The following CDH9 variants were observed in gnomAD, a reference collection of about 807,000 sequenced individuals.
The protein encoded by CDH9 is cadherin-9.
In CDH9, 28 loss-of-function variants were observed where a neutral mutation model predicts 70.9. That is an observed-to-expected ratio of 0.40 (90% CI 0.29 to 0.54). CDH9 has a LOEUF of 0.54. CDH9 is among the 20% of genes least tolerant of loss of function. CDH9 has a pLI of 0.59. For missense variants in CDH9, 874 were observed against 984.4 expected (o/e 0.89, Z 1.50); for synonymous variants, 409 against 343.1 (o/e 1.19, Z -2.12).
Position 27,031,831 on chromosome 5 carries a change from G to A in CDH9, c.-50+6632C>T, listed in dbSNP as rs530338849. On this transcript the variant is annotated intron_variant, in intron 1 of 11. Coordinates refer to ENST00000231021, the MANE Select transcript of CDH9 (RefSeq NM_016279.4). ...TCATTCTGTCATTTGGTCTCTGTAG[G>A]TTTCAACATTAATCTTTGGGTATAA... Among the ~76,000 whole-genome samples, 6 of 151,938 alleles carry A rather than the reference G, an allele frequency of 3.9e-5. No homozygotes were observed. In the South Asian group the frequency reaches 1.2e-3, roughly 32 times the overall value.
intron 2 of CDH9, among the ~76,000 whole-genome samples, chr5:26,917,545 A>G (rs1310535129): frequency 6.6e-6 from 1 of 152,064 alleles, no homozygotes; most frequent in African/African-American, 2.4e-5. Context: ...TCTTTGAATT[A>G]TTTGACTATT....
At chr5:26,935,653 G>T (rs1033794836) in intron 2 of CDH9, among the ~76,000 whole-genome samples, 1 of 152,158 alleles carries the variant, frequency 6.6e-6, no homozygotes, top group Non-Finnish European at 1.5e-5. Context: ...TAAACTGCTG[G>T]AGGGAATGTA....
intron 11 of CDH9, among the ~76,000 whole-genome samples, chr5:26,882,925 A>G (rs1740491079): frequency 6.6e-6 from 1 of 151,100 alleles, no homozygotes; most frequent in Admixed American, 6.6e-5. Flanking sequence ...ATTGGCCAGC[A>G]GACTTTTCTC....
intron 2 of CDH9, among the ~76,000 whole-genome samples, chr5:26,964,635 T>A (rs548307486): frequency 5.3e-5 from 8 of 152,270 alleles, no homozygotes; most frequent in African/African-American, 1.9e-4. Flanking sequence ...TTGAAGCCCT[T>A]TTTTTAATTG....
rs575345636 is a variant in CDH9 at position 26,895,876 on chromosome 5, C to A, written c.1254-5312G>T. ...CTAAATTTGATCGTAGCAAACAAAA[C>A]AGTCCCATGCTACAATGTTGCATTC... On this transcript the variant is annotated intron_variant, in intron 7 of 11. Coordinates refer to ENST00000231021, the MANE Select transcript of CDH9 (RefSeq NM_016279.4). Among the ~76,000 whole-genome samples, 4 of 152,092 alleles carry A rather than the reference C, an allele frequency of 2.6e-5. No homozygotes were observed. The South Asian group carries it at 8.3e-4, about 32-fold the overall frequency.
intron 1 of CDH9, among the ~76,000 whole-genome samples, chr5:27,010,579 T>G (rs2033236): frequency 0.38 from 57,752 of 152,000 alleles, 12,860 homozygotes; most frequent in Non-Finnish European, 0.5. Flanking sequence ...TCCCACATTT[T>G]GCCCGAAAAT....
intron 2 of CDH9, among the ~76,000 whole-genome samples, chr5:26,958,966 T>C (rs978027233): frequency 6.6e-6 from 1 of 152,150 alleles, no homozygotes; most frequent in Non-Finnish European, 1.5e-5. Context: ...ATTCTTAGTA[T>C]GATGTCAAAA....
chr5:26,915,505 A>C, intron 3 of CDH9, 125 bp downstream of exon 3: 1 of 607,662 alleles, frequency 1.6e-6, no homozygotes, highest in South Asian at 2.2e-5. Flanking sequence ...GTTTAAGCTA[A>C]ATAGTAGTTA....
Position 26,988,123 on chromosome 5 carries a change from T to C in CDH9, c.211A>G (p.Thr71Ala), listed in dbSNP as rs1297788075. Residue 71 changes from threonine (T) to alanine (A), a missense_variant, in exon 2 of 12, where the codon ACA becomes GCA. Coordinates refer to ENST00000231021, the MANE Select transcript of CDH9 (RefSeq NM_016279.4). ...FLLEEYTGTD[T>A]QYVGKLHTDQ... ...ATTCTTACCTTGCCTACATATTGTG[T>C]GTCAGTACCTGTGTACTCTTCCAAT... 5.6e-6 allele frequency: 9 copies of C among 1,609,968 alleles called. No individual in the cohort carries two copies. In the African/African-American group the frequency reaches 1.1e-4, roughly 19 times the overall value.
Position 26,881,606 on chromosome 5 carries a change from C to A in CDH9, c.1900G>T (p.Ala634Ser). ...TTTTTTCTTTGCCTCTTCAATGCAG[C>A]AAACAACACGACTAAAACTATTAAT... is the stretch of plus-strand genomic sequence containing the variant. The part of the protein sequence containing the change: ...LILLILVVLF[A>S]ALKRQRKKEP... The change falls in exon 12 of 12, where the codon GCT (alanine) becomes TCT (serine). Residue 634 changes from alanine (A) to serine (S), a missense_variant. Ala to Ser is a moderately conservative substitution (Grantham distance 99, BLOSUM62 1). Transcript: ENST00000231021. 6.2e-7 allele frequency: 1 copy of A among 1,608,926 alleles called. No individual in the cohort carries two copies. Among genetic ancestry groups the A allele is most frequent in the Non-Finnish European group, 8.5e-7 (1 of 1,178,558 alleles).
intron 7 of CDH9, among the ~76,000 whole-genome samples, chr5:26,892,482 A>G (rs1427601546): frequency 6.6e-6 from 1 of 152,180 alleles, no homozygotes; most frequent in Non-Finnish European, 1.5e-5. Flanking sequence ...ATAAGAACGG[A>G]AACAGGAAAA....
intron 1 of CDH9, among the ~76,000 whole-genome samples, chr5:27,028,776 A>G (rs1743263027): frequency 6.6e-6 from 1 of 152,044 alleles, no homozygotes; most frequent in Non-Finnish European, 1.5e-5. Context: ...AAAATACAGG[A>G]AAAAACCAAT....
rs1360600273 is a variant in CDH9, at chr5:26,883,040, CTTATATATATATAT to C, written c.1883-1431_1883-1418del. ...GAAGCTGAGCTATATTCAGGATCAT[CTTATATATATATAT>C]ATATATATATATATATATATATATA... On this transcript the variant is annotated intron_variant, in intron 11 of 11. Transcript: ENST00000231021. Among the ~76,000 whole-genome samples the C allele has an allele frequency of 4.9e-4, 14 of 28,370 alleles. No individual in the cohort carries two copies. The South Asian group carries it at 8.7e-3, about 18-fold the overall frequency. 18.6% of individuals were successfully genotyped at this position (28,370 alleles called of 152,430 possible).
rs747656352 is a variant in CDH9 at position 26,890,414 on chromosome 5, T to G, written c.1390+14A>C. The G allele has an allele frequency of 1.4e-5, 23 of 1,611,246 alleles. No homozygotes were observed. Among genetic ancestry groups the G allele is most frequent in the Admixed American group, 5.0e-5 (3 of 59,998 alleles). On this transcript the variant is annotated intron_variant, in intron 8 of 11. Transcript: ENST00000231021. ...GAAAGACAGTGTCTTCGGGTAGATGTAGCTCCAACTTACTTATTTCTGTGG... is the reference window on the plus strand; with the variant it reads ...GAAAGACAGTGTCTTCGGGTAGATGGAGCTCCAACTTACTTATTTCTGTGG...
intron 2 of CDH9, 43 bp downstream of exon 2, chr5:26,988,063 C>T (rs896266317): frequency 2.4e-5 from 34 of 1,395,726 alleles, no homozygotes; most frequent in Admixed American, 9.6e-5. Flanking sequence ...AAATAAATAG[C>T]TGTCACTTTC....
chr5:26,881,085 T>C lies in CDH9; in HGVS notation c.*51A>G. 3.3e-6 allele frequency: 5 copies of C among 1,492,978 alleles called. No homozygotes were observed. Among genetic ancestry groups the C allele is most frequent in the Non-Finnish European group, 4.5e-6 (5 of 1,109,920 alleles). 92.5% of individuals were successfully genotyped at this position (1,492,978 alleles called of 1,614,324 possible). A position where few individuals can be genotyped will look rare whatever the true frequency, so the allele number is the denominator to read the frequency against. On this transcript the variant is annotated 3_prime_UTR_variant, in exon 12 of 12. Transcript: ENST00000231021. The stretch of plus-strand genomic sequence containing the variant: ...GGAAGAGAATGCAGGCCACTCAATC[T>C]AATAACATAGACAGTACTTCCACTA...
chr5:26,901,187 A>G (rs1740848448), intron 7 of CDH9, among the ~76,000 whole-genome samples: 1 of 151,976 alleles, frequency 6.6e-6, no homozygotes, highest in Non-Finnish European at 1.5e-5. Flanking sequence ...ATAATCTCCA[A>G]TAATAACAAG....
At chr5:26,966,802 A>C (rs1742136428) in intron 2 of CDH9, among the ~76,000 whole-genome samples, 1 of 152,154 alleles carries the variant, frequency 6.6e-6, no homozygotes, top group African/African-American at 2.4e-5. Flanking sequence ...TTTAGGAATT[A>C]CTAGTTCTTT....
intron 1 of CDH9, among the ~76,000 whole-genome samples, chr5:27,003,438 T>C (rs1742805762): frequency 1.3e-5 from 2 of 151,926 alleles, no homozygotes; most frequent in African/African-American, 2.4e-5. Flanking sequence ...GTGTAGAAAT[T>C]GCAAGAAACA....
Sources: allele counts gnomAD v4.1 joint callset (sites outside exome capture counted in the v4.1 genomes callset), GRCh38; gene constraint gnomAD v4.1.1; transcripts MANE v1.5; gene names NCBI Gene and HGNC (gene_info 2026-07-23, HGNC 2026-07-21).